Variants in BBOX1 observed in about 807,000 individuals in gnomAD.
BBOX1 encodes the protein gamma-butyrobetaine dioxygenase.
Under a neutral mutation model 41.6 loss-of-function variants are expected in BBOX1, and 35 were observed. The ratio of observed to expected loss-of-function variants is 0.84; its 90% CI spans 0.64 to 1.11. The LOEUF is 1.11. BBOX1 is among the 50% of genes most tolerant of loss of function. BBOX1 has a pLI of 0.00. For synonymous variants in BBOX1, 163 were observed against 154.7 expected, an observed-to-expected ratio of 1.05 and a Z score of -0.40; for missense variants, 458 against 460.6, an observed-to-expected ratio of 0.99 and a Z score of 0.05.
intron 5 of BBOX1, among the ~76,000 whole-genome samples, chr11:27,103,938 C>T (rs1209680652): frequency 2.0e-5 from 3 of 152,052 alleles, no homozygotes; most frequent in Non-Finnish European, 1.5e-5. Flanking sequence ...GATTCAGAAA[C>T]CTTTTTAAAT....
chr11:27,106,875 T>C (rs1858891774), intron 5 of BBOX1, among the ~76,000 whole-genome samples: 1 of 151,830 alleles, frequency 6.6e-6, no homozygotes, highest in Non-Finnish European at 1.5e-5. Flanking sequence ...GAACAGAAAT[T>C]ATAACAAACT....
chr11:27,099,749 A>G (rs1322641784), intron 5 of BBOX1, among the ~76,000 whole-genome samples: 1 of 152,030 alleles, frequency 6.6e-6, no homozygotes, highest in African/African-American at 2.4e-5. Flanking sequence ...GATCTCTCTG[A>G]TCCTCCTCTA....
chr11:27,079,074 G>A (rs1384441759), intron 4 of BBOX1, among the ~76,000 whole-genome samples: 1 of 152,134 alleles, frequency 6.6e-6, no homozygotes, highest in South Asian at 2.1e-4. Context: ...CAGGAGAGAA[G>A]AAAAGTGCCT....
intron 5 of BBOX1, among the ~76,000 whole-genome samples, chr11:27,103,020 C>G (rs927239173): frequency 2.0e-5 from 3 of 151,984 alleles, no homozygotes; most frequent in Non-Finnish European, 4.4e-5. Context: ...GAAAACCTGT[C>G]TCTACTAAAA....
At chr11:27,075,688 T>C (rs1857608261) in intron 4 of BBOX1, among the ~76,000 whole-genome samples, 1 of 152,190 alleles carries the variant, frequency 6.6e-6, no homozygotes, top group Non-Finnish European at 1.5e-5. Flanking sequence ...TAGAGTTGAA[T>C]ATTTGATATT....
chr11:27,067,966 T>C (rs557849593), intron 4 of BBOX1, among the ~76,000 whole-genome samples: 1 of 152,206 alleles, frequency 6.6e-6, no homozygotes, highest in African/African-American at 2.4e-5. Flanking sequence ...ATATTTTCTT[T>C]ATCCATTCAT....
At chr11:27,061,076 A>G (rs1857119836) in intron 4 of BBOX1, among the ~76,000 whole-genome samples, 1 of 152,164 alleles carries the variant, frequency 6.6e-6, no homozygotes, top group Non-Finnish European at 1.5e-5. Context: ...CTAATTTTAT[A>G]ATCCTATTGG....
At chr11:27,115,037 T>G (rs1184173396) in intron 5 of BBOX1, among the ~76,000 whole-genome samples, 22 of 151,828 alleles carry the variant, frequency 1.4e-4, no homozygotes, top group Non-Finnish European at 2.5e-4. Flanking sequence ...GTTTTGAAAC[T>G]AGCTATGTAG....
At chr11:27,054,243 A>T (rs1856909078) in intron 2 of BBOX1, among the ~76,000 whole-genome samples, 1 of 109,836 alleles carries the variant, frequency 9.1e-6, no homozygotes, top group Non-Finnish European at 2.2e-5. Context: ...GTGCGTGCAC[A>T]TGTGTACATG....
chr11:27,122,981 T>C (rs980375376), intron 7 of BBOX1, among the ~76,000 whole-genome samples: 1 of 152,162 alleles, frequency 6.6e-6, no homozygotes, highest in Admixed American at 6.5e-5. Context: ...TGTTCTGTTA[T>C]AAGGCATCAA....
intron 7 of BBOX1, among the ~76,000 whole-genome samples, chr11:27,122,293 T>C (rs1859491757): frequency 6.6e-6 from 1 of 152,104 alleles, no homozygotes; most frequent in Non-Finnish European, 1.5e-5. Context: ...TCAAGTCTTT[T>C]ACTTGCCAGC....
At chr11:27,048,685 T>C (rs1851568783) in intron 2 of BBOX1, among the ~76,000 whole-genome samples, 1 of 152,006 alleles carries the variant, frequency 6.6e-6, no homozygotes, top group Admixed American at 6.6e-5. Context: ...AAATATCTCA[T>C]TGACATACTG....
chr11:27,045,287 A>C lies in BBOX1; in HGVS notation c.-39+3809A>C, dbSNP rs181636461. 9.8e-5 allele frequency among the ~76,000 whole-genome samples: 15 copies of C among 152,296 alleles called. No individual in the cohort carries two copies. In the East Asian group the frequency reaches 2.9e-3, roughly 29 times the overall value. On this transcript the variant is annotated intron_variant, in intron 2 of 8. Coordinates refer to ENST00000263182, the MANE Select transcript of BBOX1 (RefSeq NM_003986.3). ...TTTTGCACATTGATTTTGTATCCCG[A>C]GACTTTGCTGAAGTTGCTTATCAGC...
intron 4 of BBOX1, among the ~76,000 whole-genome samples, chr11:27,073,089 C>G (rs1857510428): frequency 6.6e-6 from 1 of 152,106 alleles, no homozygotes; most frequent in Non-Finnish European, 1.5e-5. Flanking sequence ...TAAAGAGCTT[C>G]TGCACAGCAA....
At chr11:27,089,305 T>C (rs555489135) in intron 4 of BBOX1, among the ~76,000 whole-genome samples, 7 of 152,158 alleles carry the variant, frequency 4.6e-5, no homozygotes, top group African/African-American at 1.7e-4. Context: ...TATGGAATAT[T>C]TCCATTATTG....
At chr11:27,107,798 T>C (rs971281352) in intron 5 of BBOX1, among the ~76,000 whole-genome samples, 1 of 152,076 alleles carries the variant, frequency 6.6e-6, no homozygotes, top group African/African-American at 2.4e-5. Flanking sequence ...TCCAGGGTTA[T>C]ATGGCTGCAA....
intron 4 of BBOX1, among the ~76,000 whole-genome samples, chr11:27,067,888 A>G (rs1336381158): frequency 6.6e-6 from 1 of 152,140 alleles, no homozygotes; most frequent in Non-Finnish European, 1.5e-5. Context: ...AGCTTCATTC[A>G]AGTTGCTGCA....
intron 7 of BBOX1, among the ~76,000 whole-genome samples, chr11:27,124,856 AC>A (rs1859593498): frequency 6.6e-6 from 1 of 152,206 alleles, no homozygotes; most frequent in Non-Finnish European, 1.5e-5. Context: ...GTATTATCTT[AC>A]ATTGGCATGG....
chr11:27,101,187 A>G (rs1457655505), intron 5 of BBOX1, among the ~76,000 whole-genome samples: 1 of 152,116 alleles, frequency 6.6e-6, no homozygotes, highest in Non-Finnish European at 1.5e-5. Flanking sequence ...ATGCCATAAT[A>G]ACTGTTAATT....
Sources: gnomAD v4.1 joint callset for allele counts (sites outside exome capture counted in the v4.1 genomes callset) on GRCh38, gnomAD v4.1.1 for gene constraint, MANE v1.5 for transcripts, NCBI Gene and HGNC (gene_info 2026-07-23, HGNC 2026-07-21) for gene names.